Variants in PAPOLA observed in about 807,000 individuals in gnomAD.
The protein encoded by PAPOLA is polynucleotide adenylyltransferase alpha.
PAPOLA carries 15 observed loss-of-function variants against 100.6 expected under a neutral mutation model. The ratio of observed to expected loss-of-function variants is 0.15; its 90% CI spans 0.10 to 0.23. The LOEUF is 0.23. Ranked by LOEUF, PAPOLA falls within the 10% of genes least tolerant of loss-of-function variation. PAPOLA has a pLI of 1.00. For missense variants in PAPOLA, 533 were observed against 884.2 expected (o/e 0.60, Z 5.04); for synonymous variants, 293 against 300.0 (o/e 0.98, Z 0.24).
chr14:96,518,403 ATT>A (rs1239263111), intron 1 of PAPOLA, among the ~76,000 whole-genome samples: 1 of 150,016 alleles, frequency 6.7e-6, no homozygotes, highest in Non-Finnish European at 1.5e-5. Flanking sequence ...TTAGCACTTT[ATT>A]GCTTTTTGCT....
chr14:96,537,313 A>G (rs774345577), intron 12 of PAPOLA: 95 of 442,510 alleles, frequency 2.1e-4, no homozygotes, highest in Non-Finnish European at 3.5e-4. Context: ...GTAGGCATAC[A>G]TCAGTCATGA....
intron 17 of PAPOLA, 116 bp downstream of exon 17, chr14:96,552,738 A>T (rs1473098453): frequency 6.1e-6 from 6 of 981,068 alleles, no homozygotes; most frequent in South Asian, 4.3e-5. Context: ...CCATCTACTA[A>T]TTTTTTTTTA....
chr14:96,559,191 C>T (rs891152594), intron 19 of PAPOLA, among the ~76,000 whole-genome samples: 2 of 151,910 alleles, frequency 1.3e-5, no homozygotes, highest in African/African-American at 2.4e-5. Context: ...TTTCCAGTTA[C>T]GGATCTAGTT....
chr14:96,527,866 G>T, intron 5 of PAPOLA, 87 bp from the exon 6 acceptor site: 1 of 863,228 alleles, frequency 1.2e-6, no homozygotes, highest in South Asian at 1.3e-5. Flanking sequence ...AGCTATTTTT[G>T]TGTCAGGTGT....
chr14:96,560,587 T>C (rs1161579239), intron 19 of PAPOLA, 62 bp from the exon 20 acceptor site: 3 of 1,081,134 alleles, frequency 2.8e-6, no homozygotes, highest in Non-Finnish European at 4.3e-6. Flanking sequence ...AAGTAAAGCA[T>C]TGATTGGCAA....
chr14:96,539,990 A>T (rs572068866), intron 12 of PAPOLA, among the ~76,000 whole-genome samples: 1 of 152,274 alleles, frequency 6.6e-6, no homozygotes, highest in Admixed American at 6.5e-5. Context: ...CAGCATAAAT[A>T]CTTGTTAGAA....
At chr14:96,504,410 A>G (rs1196536751) in intron 1 of PAPOLA, 2 of 152,228 alleles carry the variant, frequency 1.3e-5, no homozygotes, top group African/African-American at 4.8e-5. Flanking sequence ...AGTGTGTAAA[A>G]TGGAAGACGG....
At chr14:96,536,766 C>A in intron 11 of PAPOLA, 2 of 402,896 alleles carry the variant, frequency 5.0e-6, no homozygotes, top group Non-Finnish European at 8.9e-6. Flanking sequence ...TGTACTTTAC[C>A]AGAAACCTGG....
At chr14:96,547,665 G>A (rs745445639) in intron 15 of PAPOLA, 132 bp from the exon 16 acceptor site, 94 of 622,328 alleles carry the variant, frequency 1.5e-4, no homozygotes, top group Non-Finnish European at 2.4e-4. Flanking sequence ...ATTAGGAATA[G>A]GTCTTGACCG....
chr14:96,531,560 A>G lies in PAPOLA; in HGVS notation c.581A>G (p.Asp194Gly), dbSNP rs762637718. 1 of 1,607,850 alleles carries G rather than the reference A, an allele frequency of 6.2e-7. No homozygotes were observed. Among genetic ancestry groups the G allele is most frequent in the Non-Finnish European group, 8.5e-7 (1 of 1,175,654 alleles). Residue 194 changes from aspartate (D) to glycine (G), a missense_variant, in exon 7 of 22, where the codon GAT (aspartate) becomes GGT (glycine). By Grantham distance (94) the Asp-to-Gly change is moderately conservative. Around this residue, in one of 9 missense-constraint regions of PAPOLA, gnomAD observed 33 missense variants for 39.2 expected, o/e 0.84. Transcript: ENST00000216277. ...GATGACAGTCTGCTAAAAAATTTAGATATAAGATGTATAAGAAGTCTTAAC... is the reference window on the plus strand; with the variant it reads ...GATGACAGTCTGCTAAAAAATTTAGGTATAAGATGTATAAGAAGTCTTAAC... ...LRDDSLLKNL[D>G]IRCIRSLNGC...
intron 1 of PAPOLA, among the ~76,000 whole-genome samples, chr14:96,517,178 A>G (rs1897535380): frequency 6.6e-6 from 1 of 152,220 alleles, no homozygotes; most frequent in East Asian, 1.9e-4. Flanking sequence ...TAGACAAAAT[A>G]AAGTTTTTAC....
intron 12 of PAPOLA, 61 bp downstream of exon 12, chr14:96,537,121 CATT>C: frequency 1.1e-6 from 1 of 885,000 alleles, no homozygotes; most frequent in Non-Finnish European, 1.9e-6. Context: ...AATGGTAGCA[CATT>C]ATGACATTTC....
chr14:96,533,170 A>G, intron 9 of PAPOLA: 1 of 984,220 alleles, frequency 1.0e-6, no homozygotes, highest in South Asian at 4.7e-5. Context: ...TCATTAACCC[A>G]GATTTTTTTA....
At chr14:96,526,933 C>T (rs996891338) in intron 4 of PAPOLA, 1 of 153,028 alleles carries the variant, frequency 6.5e-6, no homozygotes, top group Non-Finnish European at 1.5e-5. Flanking sequence ...TTAGTGCTGG[C>T]CTCTTATCAA....
chr14:96,558,795 T>G (rs1901566603), intron 19 of PAPOLA, among the ~76,000 whole-genome samples: 1 of 151,932 alleles, frequency 6.6e-6, no homozygotes, highest in Non-Finnish European at 1.5e-5. Context: ...GCATTAACAG[T>G]AAAATTAGCC....
Position 96,502,568 on chromosome 14 carries a change from C to T in PAPOLA, c.-25C>T, listed in dbSNP as rs771051624. On this transcript the variant is annotated 5_prime_UTR_variant, in exon 1 of 22. Transcript: ENST00000216277. ...GGCGGCGGTTGCGGGGGGGAAGTGACTGGGCGGTGCCGGCGCCGGAGACGA... is the reference window on the plus strand; with the variant it reads ...GGCGGCGGTTGCGGGGGGGAAGTGATTGGGCGGTGCCGGCGCCGGAGACGA... 3.2e-6 allele frequency: 5 copies of T among 1,549,094 alleles called. No homozygotes were observed. The highest frequency in any genetic ancestry group is 1.9e-5 in the Admixed American group (1 of 51,890).
chr14:96,530,690 T>C (rs1243646887), intron 6 of PAPOLA, among the ~76,000 whole-genome samples: 2 of 152,188 alleles, frequency 1.3e-5, no homozygotes, highest in African/African-American at 4.8e-5. Flanking sequence ...CCAGCCTATA[T>C]TGCCATGTTT....
intron 7 of PAPOLA, 177 bp downstream of exon 7, chr14:96,531,763 A>G: frequency 2.1e-6 from 3 of 1,459,330 alleles, no homozygotes; most frequent in Non-Finnish European, 2.7e-6. Context: ...ATTTCACTCT[A>G]CAGTATTTTA....
Position 96,565,146 on chromosome 14 carries a change from A to G in PAPOLA, c.*96A>G. ...AATGGAGGGTACAAGACTAGACATGACTGAAATGGATTTGGGTTTTTTGGT... is the reference window on the plus strand; with the variant it reads ...AATGGAGGGTACAAGACTAGACATGGCTGAAATGGATTTGGGTTTTTTGGT... On this transcript the variant is annotated 3_prime_UTR_variant, in exon 22 of 22. Coordinates refer to ENST00000216277, the MANE Select transcript of PAPOLA (RefSeq NM_032632.5). The G allele has an allele frequency of 2.7e-6, 2 of 728,070 alleles. No homozygotes were observed. Among genetic ancestry groups the G allele is most frequent in the South Asian group, 3.2e-5 (2 of 63,474 alleles). The allele number at this position is 728,070 out of a possible 1,614,324, so 45.1% of individuals were successfully genotyped here. A position where few individuals can be genotyped will look rare whatever the true frequency, so the allele number is the denominator to read the frequency against.
Sources: allele counts gnomAD v4.1 joint callset (sites outside exome capture counted in the v4.1 genomes callset), GRCh38; gene constraint gnomAD v4.1.1; regional missense constraint gnomAD v4.1.1; transcripts MANE v1.5; gene names NCBI Gene and HGNC (gene_info 2026-07-23, HGNC 2026-07-21).